The following ITGA7 variants were observed in gnomAD, a reference collection of about 807,000 sequenced individuals.
ITGA7 encodes the protein integrin alpha-7.
ITGA7 carries 84 observed loss-of-function variants against 131.6 expected under a neutral mutation model. That is an observed-to-expected ratio of 0.64 (90% CI 0.54 to 0.77). ITGA7 has a LOEUF of 0.77. Among genes scored for constraint, ITGA7 ranks in the 30% least tolerant of loss-of-function variants. The pLI is 0.00. For missense variants in ITGA7, 1,399 were observed against 1,482.9 expected, an observed-to-expected ratio of 0.94 and a Z score of 0.93; for synonymous variants, 548 against 600.7, an observed-to-expected ratio of 0.91 and a Z score of 1.28.
chr12:55,707,710 G>T lies in ITGA7; in HGVS notation c.-28C>A, dbSNP rs745772289. 1.7e-5 allele frequency: 26 copies of T among 1,553,732 alleles called. No homozygotes were observed. Among genetic ancestry groups the T allele is most frequent in the East Asian group, 4.9e-5 (2 of 41,084 alleles). On this transcript the variant is annotated 5_prime_UTR_variant, in exon 1 of 25. Transcript: ENST00000257879. ...GACGATCCCTGCGCGAGCTCCCAGCGAATGCAAGGGAAATCTCGCACGCCC... is the reference window on the plus strand; with the variant it reads ...GACGATCCCTGCGCGAGCTCCCAGCTAATGCAAGGGAAATCTCGCACGCCC...
upstream of ITGA7, among the ~76,000 whole-genome samples, chr12:55,711,767 T>A (rs1876138737): frequency 3.3e-5 from 5 of 152,228 alleles, no homozygotes; most frequent in Admixed American, 3.3e-4. Flanking sequence ...AATGTCCAGA[T>A]CCAGCCAAGA....
intron 24 of ITGA7, among the ~76,000 whole-genome samples, chr12:55,686,617 T>C (rs1318686560): frequency 6.6e-6 from 1 of 152,218 alleles, no homozygotes; most frequent in African/African-American, 2.4e-5. Flanking sequence ...ACATGTGTGG[T>C]TCTGAACATA....
At chr12:55,687,833 C>T (rs1592400624) in intron 24 of ITGA7, 138 bp downstream of exon 24, 3 of 1,182,586 alleles carry the variant, frequency 2.5e-6, no homozygotes, top group Non-Finnish European at 3.8e-6. Context: ...TAATAGAGTT[C>T]CTGAGACATG....
intron 3 of ITGA7, 71 bp from the exon 4 acceptor site, chr12:55,701,225 T>C (rs776717981): frequency 2.8e-5 from 45 of 1,608,422 alleles, no homozygotes; most frequent in Non-Finnish European, 3.3e-5. Flanking sequence ...GCTGCCCATA[T>C]GCAGAGATTT....
chr12:55,700,500 G>T lies in ITGA7; in HGVS notation c.670+399C>A, dbSNP rs1873748599. 2.9e-6 allele frequency: 4 copies of T among 1,358,966 alleles called. No homozygotes were observed. In the Admixed American group the frequency reaches 6.8e-5, roughly 23 times the overall value. The allele number at this position is 1,358,966 out of a possible 1,614,324, so 84.2% of individuals were successfully genotyped here. On this transcript the variant is annotated intron_variant, in intron 4 of 24. Coordinates refer to ENST00000257879, the MANE Select transcript of ITGA7 (RefSeq NM_002206.3). ...GGGGAAGCCCTGCCTCTTCTTTCTAGCCCTCTCCCCACCCTGTCCCCAACC... is the reference window on the plus strand; with the variant it reads ...GGGGAAGCCCTGCCTCTTCTTTCTATCCCTCTCCCCACCCTGTCCCCAACC...
At chr12:55,716,245 T>C (rs374531809), upstream of ITGA7, 92 of 1,563,546 alleles carry the variant, frequency 5.9e-5, no homozygotes, top group African/African-American at 7.8e-4. Flanking sequence ...GCGGCCTAGC[T>C]TCAGCCCGGA....
In ITGA7 at chr12:55,700,986, C is replaced by A; in HGVS notation, c.583G>T (p.Gly195Trp). 6.2e-7 allele frequency: 1 copy of A among 1,614,236 alleles called. No homozygotes were observed. Among genetic ancestry groups the A allele is most frequent in the Non-Finnish European group, 8.5e-7 (1 of 1,180,032 alleles). The change falls in exon 4 of 25, where the codon GGG becomes TGG. Residue 195 changes from glycine (G) to tryptophan (W), a missense_variant. Coordinates refer to ENST00000257879, the MANE Select transcript of ITGA7 (RefSeq NM_002206.3). ...EGRPQGHEQF[G>W]FCQQGTAAAF... ...GCAGCTGTGCCCTGCTGGCAGAACC[C>A]AAATTGTTCATGGCCTTGGGGGCGT...
chr12:55,714,980 G>T (rs939539510), upstream of ITGA7, among the ~76,000 whole-genome samples: 2 of 150,562 alleles, frequency 1.3e-5, no homozygotes, highest in Non-Finnish European at 3.0e-5. Context: ...CCTGCCTCAG[G>T]CTCCTGAGTA....
intron 19 of ITGA7, among the ~76,000 whole-genome samples, chr12:55,693,780 C>G (rs1357279261): frequency 6.6e-6 from 1 of 152,112 alleles, no homozygotes; most frequent in Admixed American, 6.5e-5. Flanking sequence ...AGAAGCTTCC[C>G]TGGACTCTCA....
chr12:55,688,150 G>A (rs1870640171), intron 23 of ITGA7, 52 bp downstream of exon 23: 9 of 1,614,078 alleles, frequency 5.6e-6, no homozygotes, highest in Non-Finnish European at 6.8e-6. Context: ...GAACTGGAGG[G>A]AGCAGGAAAG....
upstream of ITGA7, among the ~76,000 whole-genome samples, chr12:55,715,670 G>A (rs148597323): frequency 6.6e-6 from 1 of 152,216 alleles, no homozygotes; most frequent in East Asian, 1.9e-4. Flanking sequence ...AAAGAGGGTT[G>A]GGAGAGACAG....
Position 55,696,410 on chromosome 12 carries a change from C to T in ITGA7, c.1760G>A (p.Arg587Gln), listed in dbSNP as rs772897434. 2 of 1,601,022 alleles carry T rather than the reference C, an allele frequency of 1.2e-6. No homozygotes were observed. Among genetic ancestry groups the T allele is most frequent in the East Asian group, 2.2e-5 (1 of 44,664 alleles). The change falls in exon 13 of 25, where the codon CGG (arginine) becomes CAG (glutamine). Residue 587 changes from arginine (R) to glutamine (Q), a missense_variant. Arg to Gln is a conservative substitution (Grantham distance 43). Coordinates refer to ENST00000257879, the MANE Select transcript of ITGA7 (RefSeq NM_002206.3). ...GTAGGACAAGGTCACTACAATGGCCCGAAGCTTGTCTTTGACATTTTCCTA... is the reference window on the plus strand; with the variant it reads ...GTAGGACAAGGTCACTACAATGGCCTGAAGCTTGTCTTTGACATTTTCCTA... The part of the protein sequence containing the change: ...QLQENVKDKL[R>Q]AIVVTLSYSL...
upstream of ITGA7, among the ~76,000 whole-genome samples, chr12:55,711,474 C>A (rs1197495855): frequency 8.4e-6 from 1 of 119,594 alleles, no homozygotes; most frequent in Non-Finnish European, 1.8e-5. Flanking sequence ...TGAGACTCTG[C>A]CTCAAAAAAA....
In ITGA7 at chr12:55,702,528, T is replaced by A. The variant is rs1874286043; in HGVS notation, c.414+344A>T. ...CAGGGTTTCGCCATGTTGGTCCGGCTGGTCTCGAACTCCTGACCTCAGGTG... is the reference window on the plus strand; with the variant it reads ...CAGGGTTTCGCCATGTTGGTCCGGCAGGTCTCGAACTCCTGACCTCAGGTG... On this transcript the variant is annotated intron_variant, in intron 3 of 24. Coordinates refer to ENST00000257879, the MANE Select transcript of ITGA7 (RefSeq NM_002206.3). Among the ~76,000 whole-genome samples the A allele has an allele frequency of 2.6e-5, 4 of 152,252 alleles. No homozygotes were observed. In the South Asian group the frequency reaches 8.3e-4, roughly 32 times the overall value.
chr12:55,692,923 T>C lies in ITGA7; in HGVS notation c.2765A>G (p.Gln922Arg). 6.2e-7 allele frequency: 1 copy of C among 1,614,130 alleles called. No homozygotes were observed. ...RRRELEPPEQ[Q>R]EPGERQEPSM... ...GGGCTCCTGCCGCTCACCAGGCTCC[T>C]GCTGCTCAGGTGGCTCCAGCTCCCG... Residue 922 changes from glutamine (Q) to arginine (R), a missense_variant, in exon 21 of 25, where the codon CAG becomes CGG. By Grantham distance (43) the Gln-to-Arg change is conservative. Transcript: ENST00000257879.
At chr12:55,695,680 G>T in intron 13 of ITGA7, 43 bp from the exon 14 acceptor site, 2 of 1,382,466 alleles carry the variant, frequency 1.4e-6, no homozygotes, top group Non-Finnish European at 2.1e-6. Context: ...AGGGGGCAAG[G>T]CAGGGGGCAA....
At position 55,684,963 on chromosome 12, in the gene ITGA7, C is replaced by G. The variant is rs144436282; in HGVS notation, c.*95G>C. The G allele has an allele frequency of 2.8e-6, 3 of 1,064,908 alleles. No homozygotes were observed. Among genetic ancestry groups the G allele is most frequent in the Non-Finnish European group, 4.0e-6 (3 of 754,622 alleles). The allele number at this position is 1,064,908 out of a possible 1,614,324, so 66.0% of individuals were successfully genotyped here. A position where few individuals can be genotyped will look rare whatever the true frequency, so the allele number is the denominator to read the frequency against. On this transcript the variant is annotated 3_prime_UTR_variant, in exon 25 of 25. Transcript: ENST00000257879. ...AAGCCGATCCTGCCAAATCTTGATG[C>G]GACACCAGCAGCCCACTCTACCCTC... is the stretch of plus-strand genomic sequence containing the variant.
Position 55,697,659 on chromosome 12 carries a change from C to T in ITGA7, c.1409+36G>A, listed in dbSNP as rs756617940. The T allele has an allele frequency of 2.9e-5, 46 of 1,613,920 alleles. No individual in the cohort carries two copies. In the Middle Eastern group the frequency reaches 2.3e-3, roughly 81 times the overall value. On this transcript the variant is annotated intron_variant, in intron 9 of 24. Coordinates refer to ENST00000257879, the MANE Select transcript of ITGA7 (RefSeq NM_002206.3). Reference sequence around the variant, plus strand: ...GGTCAGAGTCACAGGGAGGGGCTGACGGCCTCAGGGAGGGAAAAGGTTGAG... The same window carrying T: ...GGTCAGAGTCACAGGGAGGGGCTGATGGCCTCAGGGAGGGAAAAGGTTGAG...
At chr12:55,708,061 C>T (rs1875623821), upstream of ITGA7, 1 of 980,868 alleles carries the variant, frequency 1.0e-6, no homozygotes, top group Non-Finnish European at 1.2e-6. Flanking sequence ...CCCACCACCA[C>T]GCCCCCCAAG....
Sources: allele counts gnomAD v4.1 joint callset (sites outside exome capture counted in the v4.1 genomes callset), GRCh38; gene constraint gnomAD v4.1.1; transcripts MANE v1.5; gene names NCBI Gene and HGNC (gene_info 2026-07-23, HGNC 2026-07-21).